The following WASL variants were observed in gnomAD, a reference collection of about 807,000 sequenced individuals.
WASL encodes WASP like actin nucleation promoting factor.
A neutral mutation model predicts 55.5 loss-of-function variants in WASL; 20 were observed. The observed-to-expected ratio is 0.36, with a 90% CI of 0.25 to 0.52. WASL has a LOEUF of 0.52. Ranked by LOEUF, WASL falls within the 20% of genes least tolerant of loss-of-function variation. The pLI, the probability that WASL is intolerant of heterozygous loss-of-function variation, is 0.92. For missense variants in WASL, 504 were observed against 622.5 expected (o/e 0.81, Z 2.03); for synonymous variants, 249 against 217.6 (o/e 1.14, Z -1.27).
At chr7:123,700,834 C>T (rs1803577568) in intron 5 of WASL, among the ~76,000 whole-genome samples, 1 of 152,174 alleles carries the variant, frequency 6.6e-6, no homozygotes, top group South Asian at 2.1e-4. Context: ...CTTTGTTTGC[C>T]AATTTTTCAG....
intron 2 of WASL, 41 bp downstream of exon 2, chr7:123,709,048 C>G (rs767019530): frequency 6.5e-7 from 1 of 1,537,418 alleles, no homozygotes; most frequent in Non-Finnish European, 8.8e-7. Context: ...ATATAGAAAA[C>G]CTAATCACCT....
intron 1 of WASL, among the ~76,000 whole-genome samples, chr7:123,724,988 T>G (rs1584869329): frequency 6.6e-6 from 1 of 152,290 alleles, no homozygotes; most frequent in East Asian, 1.9e-4. Flanking sequence ...GAATGTACTT[T>G]TCCCACTAAT....
intron 5 of WASL, among the ~76,000 whole-genome samples, chr7:123,704,083 T>C (rs550989077): frequency 6.6e-6 from 1 of 152,324 alleles, no homozygotes; most frequent in African/African-American, 2.4e-5. Context: ...GAATTCATAA[T>C]ACTTCAAGTG....
intron 10 of WASL, among the ~76,000 whole-genome samples, chr7:123,688,116 A>G (rs564840100): frequency 6.6e-6 from 1 of 152,198 alleles, no homozygotes; most frequent in African/African-American, 2.4e-5. Context: ...CAACTACTCC[A>G]ATCAGCAAAA....
intron 1 of WASL, among the ~76,000 whole-genome samples, chr7:123,735,008 T>C (rs1804202561): frequency 6.6e-6 from 1 of 151,784 alleles, no homozygotes; most frequent in African/African-American, 2.4e-5. Flanking sequence ...CAGCTACCTA[T>C]ATTGAGCAAG....
At chr7:123,725,750 A>T (rs1804031752) in intron 1 of WASL, among the ~76,000 whole-genome samples, 2 of 152,226 alleles carry the variant, frequency 1.3e-5, no homozygotes, top group South Asian at 4.1e-4. Context: ...GAACAGGGTT[A>T]TAAATTTAGA....
chr7:123,696,760 C>G lies in WASL; in HGVS notation c.461-13G>C. 1 of 1,491,390 alleles carries G rather than the reference C, an allele frequency of 6.7e-7. No individual in the cohort carries two copies. The highest frequency in any genetic ancestry group is 2.4e-5 in the East Asian group (1 of 41,064). The allele number at this position is 1,491,390 out of a possible 1,614,324, so 92.4% of individuals were successfully genotyped here. On this transcript the variant is annotated splice_polypyrimidine_tract_variant and intron_variant, in intron 5 of 10. Transcript: ENST00000223023. The stretch of plus-strand genomic sequence containing the variant: ...GGTAGATTAGGACCTGCAAATAAAA[C>G]CAAATTATATAAAAGGGATATAATT...
chr7:123,726,908 A>G (rs1328033920), intron 1 of WASL, among the ~76,000 whole-genome samples: 1 of 152,130 alleles, frequency 6.6e-6, no homozygotes, highest in African/African-American at 2.4e-5. Context: ...ACAGACTGGG[A>G]GAAAATATCT....
chr7:123,694,942 G>C, intron 7 of WASL, 74 bp from the exon 8 acceptor site: 3 of 1,467,000 alleles, frequency 2.0e-6, no homozygotes, highest in Non-Finnish European at 2.7e-6. Context: ...TCTCATCTGT[G>C]TCCTTCTGAA....
chr7:123,689,327 A>T (rs536263573), intron 9 of WASL, among the ~76,000 whole-genome samples, 177 bp from the exon 10 acceptor site: 1 of 152,352 alleles, frequency 6.6e-6, no homozygotes, highest in South Asian at 2.1e-4. Context: ...TGCCTTAAAG[A>T]TATTATTCAA....
chr7:123,741,202 A>G (rs1352329369), intron 1 of WASL, among the ~76,000 whole-genome samples: 1 of 152,202 alleles, frequency 6.6e-6, no homozygotes, highest in Non-Finnish European at 1.5e-5. Context: ...GTAACTGGGT[A>G]AATAATTATC....
At chr7:123,709,367 T>C (rs1046722653) in intron 1 of WASL, 144 bp from the exon 2 acceptor site, 5 of 584,848 alleles carry the variant, frequency 8.5e-6, no homozygotes, top group African/African-American at 3.8e-5. Context: ...TAAACATGTA[T>C]TGTTATTTTA....
intron 1 of WASL, chr7:123,720,485 C>A (rs1244793956): frequency 2.9e-6 from 1 of 346,522 alleles, no homozygotes; most frequent in Non-Finnish European, 5.6e-6. Flanking sequence ...GAATAAATAA[C>A]TTACATTTGC....
At chr7:123,698,011 C>T (rs531723204) in intron 5 of WASL, among the ~76,000 whole-genome samples, 3 of 151,880 alleles carry the variant, frequency 2.0e-5, no homozygotes, top group East Asian at 3.9e-4. Context: ...GAATTAGGTG[C>T]AACCTCTGTG....
intron 1 of WASL, among the ~76,000 whole-genome samples, chr7:123,714,690 A>AG (rs1465577275): frequency 1.3e-5 from 2 of 152,218 alleles, no homozygotes; most frequent in African/African-American, 2.4e-5. Flanking sequence ...AATGAAAATG[A>AG]GGGCAAATAC....
chr7:123,683,505 C>A lies in WASL; in HGVS notation c.*1014G>T, dbSNP rs1803236147. On this transcript the variant is annotated 3_prime_UTR_variant, in exon 11 of 11. Coordinates refer to ENST00000223023, the MANE Select transcript of WASL (RefSeq NM_003941.4). The stretch of plus-strand genomic sequence containing the variant: ...CCCTCAAAAGTTATCCAAATCAATG[C>A]ATGTTCGGTTCCGTGTTTTAGCGCA... The A allele has an allele frequency of 6.6e-6, 1 of 151,928 alleles. No individual in the cohort carries two copies. 9.4% of individuals were successfully genotyped at this position (151,928 alleles called of 1,614,324 possible).
At chr7:123,729,777 T>C (rs1002856817) in intron 1 of WASL, among the ~76,000 whole-genome samples, 2 of 152,168 alleles carry the variant, frequency 1.3e-5, no homozygotes, top group African/African-American at 4.8e-5. Flanking sequence ...TACTTTGAGC[T>C]CCCTTAATAT....
At chr7:123,716,190 C>T (rs1338764803) in intron 1 of WASL, among the ~76,000 whole-genome samples, 1 of 152,044 alleles carries the variant, frequency 6.6e-6, no homozygotes, top group Non-Finnish European at 1.5e-5. Flanking sequence ...CTAGGAGTCC[C>T]AGCTCACCAA....
At chr7:123,712,505 T>G (rs1028911491) in intron 1 of WASL, among the ~76,000 whole-genome samples, 1 of 152,166 alleles carries the variant, frequency 6.6e-6, no homozygotes, top group African/African-American at 2.4e-5. Flanking sequence ...AAAAATAACA[T>G]GCATGTATAC....
Sources: gnomAD v4.1 joint callset for allele counts (sites outside exome capture counted in the v4.1 genomes callset) on GRCh38, gnomAD v4.1.1 for gene constraint, MANE v1.5 for transcripts, NCBI Gene and HGNC (gene_info 2026-07-23, HGNC 2026-07-21) for gene names.